Variants in TNKS observed in about 807,000 individuals in gnomAD.
TNKS encodes poly [ADP-ribose] polymerase tankyrase-1.
Under a neutral mutation model 135.8 loss-of-function variants are expected in TNKS, and 72 were observed. That is an observed-to-expected ratio of 0.53 (90% CI 0.44 to 0.64). TNKS has a LOEUF of 0.64. Ranked by LOEUF, TNKS falls within the 30% of genes least tolerant of loss-of-function variation. TNKS has a pLI of 0.00. For synonymous variants in TNKS, 849 were observed against 649.3 expected, an observed-to-expected ratio of 1.31 and a Z score of -4.68; for missense variants, 1,769 against 1,674.0, an observed-to-expected ratio of 1.06 and a Z score of -0.99.
chr8:9,618,816 A>C (rs958828933), intron 3 of TNKS, among the ~76,000 whole-genome samples: 11 of 152,198 alleles, frequency 7.2e-5, no homozygotes, highest in Non-Finnish European at 1.6e-4. Context: ...TACTTTATTT[A>C]TAACCTTTTC....
intron 3 of TNKS, among the ~76,000 whole-genome samples, chr8:9,628,957 T>C (rs889307638): frequency 6.6e-6 from 1 of 152,208 alleles, no homozygotes; most frequent in Admixed American, 6.5e-5. Context: ...AGTCGGACTT[T>C]ATTCTTCTCT....
At chr8:9,770,317 CAG>C in intron 26 of TNKS, 55 bp downstream of exon 26, 3 of 1,543,386 alleles carry the variant, frequency 1.9e-6, no homozygotes, top group Non-Finnish European at 2.6e-6. Context: ...CAATAGAGCA[CAG>C]AGACCGTGTA....
At chr8:9,631,127 T>G (rs1341280336) in intron 3 of TNKS, among the ~76,000 whole-genome samples, 1 of 152,250 alleles carries the variant, frequency 6.6e-6, no homozygotes, top group African/African-American at 2.4e-5. Context: ...TATCTACAAA[T>G]GTACTGATTT....
chr8:9,672,676 A>AC (rs1247081457), intron 3 of TNKS, among the ~76,000 whole-genome samples: 2 of 114,432 alleles, frequency 1.7e-5, no homozygotes, highest in Non-Finnish European at 3.7e-5. Context: ...AAAAAAAAAA[A>AC]CACATACACA....
chr8:9,637,278 T>A (rs1002509302), intron 3 of TNKS, among the ~76,000 whole-genome samples: 3 of 152,202 alleles, frequency 2.0e-5, no homozygotes, highest in African/African-American at 7.2e-5. Context: ...CCTGTGAGTA[T>A]CATGTTGTTT....
chr8:9,714,108 G>C (rs1247361046), intron 11 of TNKS, among the ~76,000 whole-genome samples: 1 of 152,172 alleles, frequency 6.6e-6, no homozygotes. Flanking sequence ...ACAGAACTTA[G>C]TGGTATTTTT....
chr8:9,581,864 G>C (rs1039541742), intron 2 of TNKS, among the ~76,000 whole-genome samples: 1 of 152,078 alleles, frequency 6.6e-6, no homozygotes, highest in African/African-American at 2.4e-5. Context: ...TAATGTAAAT[G>C]CTCTTTTTAT....
intron 3 of TNKS, among the ~76,000 whole-genome samples, chr8:9,623,502 G>C (rs1442822694): frequency 6.7e-6 from 1 of 150,190 alleles, no homozygotes; most frequent in Non-Finnish European, 1.5e-5. Flanking sequence ...GTGTGCAGTA[G>C]CATTATGTCT....
intron 12 of TNKS, among the ~76,000 whole-genome samples, chr8:9,722,059 CAA>C (rs752434732): frequency 2.1e-5 from 1 of 47,292 alleles, no homozygotes; most frequent in African/African-American, 6.2e-5. Context: ...TCCATCTCAA[CAA>C]AAAAAAAAGA....
intron 3 of TNKS, among the ~76,000 whole-genome samples, chr8:9,645,235 G>T (rs574899627): frequency 2.0e-5 from 3 of 152,160 alleles, no homozygotes; most frequent in African/African-American, 4.8e-5. Flanking sequence ...GCAGGGTGGG[G>T]TTTGTAGAAT....
intron 17 of TNKS, among the ~76,000 whole-genome samples, chr8:9,743,244 A>C (rs953838433): frequency 6.6e-6 from 1 of 152,180 alleles, no homozygotes; most frequent in African/African-American, 2.4e-5. Flanking sequence ...ATCTCTACTT[A>C]AATCATTTCT....
chr8:9,733,132 A>G (rs1175858320), intron 14 of TNKS, 147 bp from the exon 15 acceptor site: 1 of 560,378 alleles, frequency 1.8e-6, no homozygotes, highest in African/African-American at 2.0e-5. Context: ...GGATAACTAT[A>G]TCTTAAAGAA....
chr8:9,603,109 G>C (rs1244029437), intron 2 of TNKS, among the ~76,000 whole-genome samples: 1 of 151,874 alleles, frequency 6.6e-6, no homozygotes, highest in Non-Finnish European at 1.5e-5. Context: ...CTGGAGTACA[G>C]TGGCGCGATC....
chr8:9,617,992 T>G (rs931603974), intron 3 of TNKS, among the ~76,000 whole-genome samples: 1 of 124,316 alleles, frequency 8.0e-6, no homozygotes, highest in African/African-American at 3.0e-5. Flanking sequence ...TGGTTTTTTT[T>G]TTTTTTTTTT....
intron 3 of TNKS, among the ~76,000 whole-genome samples, chr8:9,675,935 C>A (rs774444911): frequency 6.6e-6 from 1 of 150,774 alleles, no homozygotes; most frequent in Non-Finnish European, 1.5e-5. Context: ...CATTCCTCTA[C>A]TTTTATATAA....
At chr8:9,693,722 G>A (rs1803385348) in intron 5 of TNKS, among the ~76,000 whole-genome samples, 1 of 152,126 alleles carries the variant, frequency 6.6e-6, no homozygotes, top group African/African-American at 2.4e-5. Flanking sequence ...AGTTCAGAGA[G>A]GTAGTACTTA....
chr8:9,617,610 A>G (rs1346274745), intron 3 of TNKS, among the ~76,000 whole-genome samples: 3 of 152,224 alleles, frequency 2.0e-5, no homozygotes, highest in African/African-American at 7.2e-5. Context: ...CTGCCCATAC[A>G]GGTTCTCTAA....
At chr8:9,698,374 G>GAA (rs34311181) in intron 5 of TNKS, among the ~76,000 whole-genome samples, 14,333 of 98,672 alleles carry the variant, frequency 0.15, 1,883 homozygotes, top group East Asian at 0.49. Context: ...ATTTTAAAAT[G>GAA]AAAAAAAAAA....
intron 3 of TNKS, among the ~76,000 whole-genome samples, chr8:9,654,098 C>G (rs1801250029): frequency 1.3e-5 from 2 of 152,194 alleles, no homozygotes; most frequent in South Asian, 4.1e-4. Flanking sequence ...AGCCAAATAT[C>G]TATACCTGCA....
Sources: allele counts gnomAD v4.1 joint callset (sites outside exome capture counted in the v4.1 genomes callset), GRCh38; gene constraint gnomAD v4.1.1; transcripts MANE v1.5; gene names NCBI Gene and HGNC (gene_info 2026-07-23, HGNC 2026-07-21).